Variants in ERBB4 observed in about 807,000 individuals in gnomAD.
ERBB4 encodes receptor tyrosine-protein kinase erbB-4.
ERBB4 carries 42 observed loss-of-function variants against 158.0 expected under a neutral mutation model. That is an observed-to-expected ratio of 0.27 (90% CI 0.21 to 0.34). The LOEUF is 0.34. Ranked by LOEUF, ERBB4 falls within the 10% of genes least tolerant of loss-of-function variation. ERBB4 has a pLI of 1.00. For missense variants in ERBB4, 1,333 were observed against 1,624.1 expected, an observed-to-expected ratio of 0.82 and a Z score of 3.08; for synonymous variants, 583 against 558.7, an observed-to-expected ratio of 1.04 and a Z score of -0.61.
At chr2:211,636,626 A>G (rs2070372927) in intron 16 of ERBB4, among the ~76,000 whole-genome samples, 2 of 151,960 alleles carry the variant, frequency 1.3e-5, no homozygotes, top group Admixed American at 1.3e-4. Flanking sequence ...AAGTGCCTCT[A>G]TGTGAGCAAT....
intron 25 of ERBB4, among the ~76,000 whole-genome samples, chr2:211,414,209 T>C (rs762637027): frequency 2.6e-5 from 4 of 151,852 alleles, no homozygotes; most frequent in Non-Finnish European, 5.9e-5. Context: ...TAGAAGAAAA[T>C]ACAGCGTGAC....
At chr2:211,434,299 T>C (rs999329754) in intron 20 of ERBB4, among the ~76,000 whole-genome samples, 7 of 152,208 alleles carry the variant, frequency 4.6e-5, no homozygotes, top group African/African-American at 1.7e-4. Context: ...GTTGAAATTC[T>C]AGCCCCCAAA....
At position 211,893,504 on chromosome 2, in the gene ERBB4, G is replaced by A. The variant is rs183265635; in HGVS notation, c.421+53926C>T. ...CCATTCAGGACATAGGCATGGGCAA[G>A]GACTTCATGTCCAAAACACCAAAAG... On this transcript the variant is annotated intron_variant, in intron 3 of 27. Transcript: ENST00000342788. 4.5e-4 allele frequency among the ~76,000 whole-genome samples: 61 copies of A among 135,936 alleles called. 1 individual carries two copies. Among genetic ancestry groups the A allele is most frequent in the East Asian group, 1.8e-3 (9 of 5,100 alleles). 89.2% of individuals were successfully genotyped at this position (135,936 alleles called of 152,430 possible).
intron 1 of ERBB4, among the ~76,000 whole-genome samples, chr2:212,339,681 T>C (rs2088610721): frequency 6.6e-6 from 1 of 152,196 alleles, no homozygotes. Context: ...AGATTAATTT[T>C]TTTTTTCATT....
intron 3 of ERBB4, among the ~76,000 whole-genome samples, chr2:211,789,145 A>G (rs1445888414): frequency 1.3e-5 from 2 of 152,148 alleles, no homozygotes; most frequent in Non-Finnish European, 2.9e-5. Flanking sequence ...TACACATAGC[A>G]CCTTCCAGCC....
At chr2:211,575,264 T>G (rs1235298276) in intron 19 of ERBB4, among the ~76,000 whole-genome samples, 3 of 152,194 alleles carry the variant, frequency 2.0e-5, no homozygotes, top group African/African-American at 7.2e-5. Flanking sequence ...AATGAAATAT[T>G]TACAAAGTGA....
At chr2:212,412,873 C>T (rs116018350) in intron 1 of ERBB4, among the ~76,000 whole-genome samples, 316 of 152,280 alleles carry the variant, frequency 2.1e-3, no homozygotes, top group Non-Finnish European at 2.6e-3. Context: ...TCACTAATTA[C>T]CCAAGTTTGC....
chr2:212,397,921 C>G (rs2091078040), intron 1 of ERBB4, among the ~76,000 whole-genome samples: 1 of 151,892 alleles, frequency 6.6e-6, no homozygotes, highest in South Asian at 2.1e-4. Context: ...ACTGATAACT[C>G]TTTACTTGCC....
intron 2 of ERBB4, among the ~76,000 whole-genome samples, chr2:212,039,971 T>C (rs1358650759): frequency 6.6e-6 from 1 of 152,110 alleles, no homozygotes; most frequent in Non-Finnish European, 1.5e-5. Context: ...TATATTTATG[T>C]GGAAACTACA....
intron 1 of ERBB4, among the ~76,000 whole-genome samples, chr2:212,499,867 A>C (rs953325058): frequency 2.6e-5 from 4 of 152,034 alleles, no homozygotes; most frequent in Non-Finnish European, 4.4e-5. Context: ...TCAAGTAAAA[A>C]ACTGAAGACA....
chr2:212,526,789 T>C (rs1692473318), intron 1 of ERBB4, among the ~76,000 whole-genome samples: 1 of 152,098 alleles, frequency 6.6e-6, no homozygotes, highest in Admixed American at 6.6e-5. Context: ...ATACTTTAGG[T>C]AGTAAAACAT....
At chr2:211,616,783 T>C (rs1574863281) in intron 19 of ERBB4, among the ~76,000 whole-genome samples, 1 of 152,188 alleles carries the variant, frequency 6.6e-6, no homozygotes, top group East Asian at 1.9e-4. Context: ...ACTCTGCTGA[T>C]AGCTGTCCAT....
intron 3 of ERBB4, among the ~76,000 whole-genome samples, chr2:211,842,494 T>C (rs1362846551): frequency 6.6e-6 from 1 of 151,574 alleles, no homozygotes; most frequent in Non-Finnish European, 1.5e-5. Context: ...ACAGGTAGTC[T>C]CAAATAACAC....
At chr2:212,192,067 A>C (rs559033549) in intron 1 of ERBB4, among the ~76,000 whole-genome samples, 3 of 89,048 alleles carry the variant, frequency 3.4e-5, no homozygotes, top group Non-Finnish European at 7.6e-5. Context: ...TATATATGTT[A>C]TATGTTATAT....
chr2:211,814,568 T>C (rs993967880), intron 3 of ERBB4, among the ~76,000 whole-genome samples: 1 of 152,032 alleles, frequency 6.6e-6, no homozygotes, highest in African/African-American at 2.4e-5. Flanking sequence ...TACAGTCTTA[T>C]TAAGGAACCT....
rs2125429729 is a variant in ERBB4 at position 211,431,002 on chromosome 2, A to G, written c.2586T>C (p.Phe862=). Reference sequence around the variant, plus strand: ...CTCCTTCCAAGAGTCTGGCTAGCCCAAAATCTGTGATTTTCACATGGTTTG... The same window carrying G: ...CTCCTTCCAAGAGTCTGGCTAGCCCGAAATCTGTGATTTTCACATGGTTTG... ...KSPNHVKITD[F]GLARLLEGDE... The change falls in exon 21 of 28, where the codon TTT becomes TTC. Residue 862 remains phenylalanine, a synonymous_variant. Coordinates refer to ENST00000342788, the MANE Select transcript of ERBB4 (RefSeq NM_005235.3). 1.2e-6 allele frequency: 2 copies of G among 1,613,772 alleles called. No homozygotes were observed. The highest frequency in any genetic ancestry group is 1.7e-6 in the Non-Finnish European group (2 of 1,179,676).
intron 16 of ERBB4, among the ~76,000 whole-genome samples, chr2:211,642,508 G>A (rs6435647): frequency 0.93 from 141,839 of 152,076 alleles, 66,563 homozygotes; most frequent in East Asian, 1. Flanking sequence ...TCCTACTTAT[G>A]CCCTAGACAG....
chr2:212,445,633 T>C (rs2092333981), intron 1 of ERBB4, among the ~76,000 whole-genome samples: 1 of 152,142 alleles, frequency 6.6e-6, no homozygotes, highest in Non-Finnish European at 1.5e-5. Context: ...ATACAGGAGA[T>C]CCATTAGGGC....
intron 1 of ERBB4, among the ~76,000 whole-genome samples, chr2:212,211,751 C>T (rs1389217522): frequency 6.6e-6 from 1 of 151,898 alleles, no homozygotes; most frequent in East Asian, 1.9e-4. Flanking sequence ...CCAACAGGGC[C>T]TGGTGTGTAT....
Sources: gnomAD v4.1 joint callset for allele counts (sites outside exome capture counted in the v4.1 genomes callset) on GRCh38, gnomAD v4.1.1 for gene constraint, MANE v1.5 for transcripts, NCBI Gene and HGNC (gene_info 2026-07-23, HGNC 2026-07-21) for gene names.